Variants in TTBK2 observed in about 807,000 individuals in gnomAD.
TTBK2 encodes tau-tubulin kinase 2.
Under a neutral mutation model 110.8 loss-of-function variants are expected in TTBK2, and 28 were observed. The observed-to-expected ratio is 0.25, with a 90% CI of 0.19 to 0.35. The LOEUF (loss-of-function observed/expected upper bound fraction) is 0.35. Among genes scored for constraint, TTBK2 ranks in the 10% least tolerant of loss-of-function variants. The probability of loss-of-function intolerance (pLI) is 1.00; values close to 1 mark genes in which losing one functional copy is unlikely to be tolerated. For synonymous variants in TTBK2, 532 were observed against 527.3 expected, an observed-to-expected ratio of 1.01 and a Z score of -0.12; for missense variants, 1,369 against 1,500.3, an observed-to-expected ratio of 0.91 and a Z score of 1.45.
intron 4 of TTBK2, among the ~76,000 whole-genome samples, chr15:42,830,473 C>T (rs1321365379): frequency 6.6e-6 from 1 of 151,998 alleles, no homozygotes; most frequent in African/African-American, 2.4e-5. Flanking sequence ...CAGGCATGAA[C>T]CACTGCACCC....
chr15:42,859,352 C>T (rs1445003151), intron 3 of TTBK2, among the ~76,000 whole-genome samples: 2 of 152,186 alleles, frequency 1.3e-5, no homozygotes, highest in African/African-American at 4.8e-5. Flanking sequence ...AAGCAATCCA[C>T]CCACCTCAGC....
At chr15:42,833,247 T>TAAA (rs35997543) in intron 4 of TTBK2, among the ~76,000 whole-genome samples, 12 of 74,838 alleles carry the variant, frequency 1.6e-4, no homozygotes, top group Non-Finnish European at 2.4e-4. Context: ...CCAAATTTTG[T>TAAA]AAAAAAAAAA....
chr15:42,852,114 G>A (rs1384160547), intron 3 of TTBK2, among the ~76,000 whole-genome samples: 2 of 151,436 alleles, frequency 1.3e-5, no homozygotes, highest in African/African-American at 4.9e-5. Flanking sequence ...CTGTCACCCA[G>A]GCGGGAGTGC....
intron 3 of TTBK2, among the ~76,000 whole-genome samples, chr15:42,862,552 T>C (rs1453737903): frequency 6.6e-6 from 1 of 152,046 alleles, no homozygotes; most frequent in East Asian, 1.9e-4. Context: ...TCATGATAAA[T>C]ACCCTCAACA....
At chr15:42,832,184 G>T (rs1000713999) in intron 4 of TTBK2, among the ~76,000 whole-genome samples, 2 of 151,882 alleles carry the variant, frequency 1.3e-5, no homozygotes, top group African/African-American at 2.4e-5. Context: ...ATAACCACAT[G>T]AGAGTACCTA....
intron 13 of TTBK2, among the ~76,000 whole-genome samples, chr15:42,766,820 C>T (rs769206888): frequency 6.6e-6 from 1 of 152,192 alleles, no homozygotes; most frequent in Non-Finnish European, 1.5e-5. Context: ...CTCAAATCAA[C>T]AGAATATACA....
chr15:42,807,679 C>T (rs1891531238), intron 9 of TTBK2, among the ~76,000 whole-genome samples: 1 of 152,044 alleles, frequency 6.6e-6, no homozygotes. Flanking sequence ...TCAAGTGATA[C>T]TCCTGCCTCA....
At position 42,865,945 on chromosome 15, in the gene TTBK2, A is replaced by T. The variant is rs117053959; in HGVS notation, c.217+6666T>A. Among the ~76,000 whole-genome samples, 14 of 152,378 alleles carry T rather than the reference A, an allele frequency of 9.2e-5. No homozygotes were observed. In the East Asian group the frequency reaches 2.5e-3, roughly 27 times the overall value. On this transcript the variant is annotated intron_variant, in intron 3 of 14. Transcript: ENST00000267890. The stretch of plus-strand genomic sequence containing the variant: ...AACATCAATGGTCTAAATGTACCAA[A>T]TAAAAGAGACTGGACAGACTAAATC...
chr15:42,883,663 C>T (rs1314264729), intron 1 of TTBK2, among the ~76,000 whole-genome samples: 1 of 151,542 alleles, frequency 6.6e-6, no homozygotes, highest in Non-Finnish European at 1.5e-5. Context: ...CAAAAGTAGA[C>T]AGAAAGAAAC....
At chr15:42,892,936 G>A (rs1412346726) in intron 1 of TTBK2, among the ~76,000 whole-genome samples, 5 of 150,554 alleles carry the variant, frequency 3.3e-5, no homozygotes, top group Admixed American at 6.6e-5. Context: ...TCTGGAACCC[G>A]GGAGGCGGAG....
intron 6 of TTBK2, among the ~76,000 whole-genome samples, chr15:42,824,817 G>A (rs938179729): frequency 4.6e-5 from 7 of 151,862 alleles, no homozygotes; most frequent in African/African-American, 1.7e-4. Context: ...AACCCTCATG[G>A]CATGAGTTTA....
chr15:42,841,142 C>T (rs1893203245), intron 3 of TTBK2, among the ~76,000 whole-genome samples: 1 of 152,182 alleles, frequency 6.6e-6, no homozygotes, highest in South Asian at 2.1e-4. Flanking sequence ...AAAGATTCCT[C>T]AGTTCTATAT....
At chr15:42,795,715 C>A (rs1303285991) in intron 9 of TTBK2, among the ~76,000 whole-genome samples, 1 of 151,816 alleles carries the variant, frequency 6.6e-6, no homozygotes, top group African/African-American at 2.4e-5. Context: ...TGGTGGTACA[C>A]GCCTGTAATC....
intron 10 of TTBK2, among the ~76,000 whole-genome samples, chr15:42,784,522 C>G (rs1194441403): frequency 6.6e-6 from 1 of 152,186 alleles, no homozygotes; most frequent in Admixed American, 6.6e-5. Context: ...AGGTGATCTG[C>G]CTGCCTTGGC....
At chr15:42,791,230 G>A (rs1175381375) in intron 10 of TTBK2, among the ~76,000 whole-genome samples, 1 of 152,072 alleles carries the variant, frequency 6.6e-6, no homozygotes, top group South Asian at 2.1e-4. Flanking sequence ...ATATTGGACA[G>A]GCTGGTCTCG....
chr15:42,827,565 G>T (rs934780413), intron 6 of TTBK2, among the ~76,000 whole-genome samples: 1 of 152,192 alleles, frequency 6.6e-6, no homozygotes. Flanking sequence ...TGATGACAGT[G>T]TGGCACCAAA....
At chr15:42,808,812 C>T (rs1270466140) in intron 9 of TTBK2, among the ~76,000 whole-genome samples, 1 of 152,156 alleles carries the variant, frequency 6.6e-6, no homozygotes, top group African/African-American at 2.4e-5. Flanking sequence ...TTTGCACCAA[C>T]TGCACTCTAG....
chr15:42,915,959 C>G (rs2031062666), intron 1 of TTBK2, among the ~76,000 whole-genome samples: 1 of 151,446 alleles, frequency 6.6e-6, no homozygotes, highest in African/African-American at 2.4e-5. Context: ...AGAAAGAAAG[C>G]AGAGGTTTTG....
At chr15:42,830,398 G>A (rs929944632) in intron 4 of TTBK2, among the ~76,000 whole-genome samples, 4 of 151,942 alleles carry the variant, frequency 2.6e-5, no homozygotes, top group Admixed American at 2.0e-4. Flanking sequence ...ATGTTGGTCA[G>A]GCTGGTCTCG....
Sources: allele counts gnomAD v4.1 joint callset (sites outside exome capture counted in the v4.1 genomes callset), GRCh38; gene constraint gnomAD v4.1.1; transcripts MANE v1.5; gene names NCBI Gene and HGNC (gene_info 2026-07-23, HGNC 2026-07-21).